Variants in SENP6 observed in about 807,000 individuals in gnomAD.
SENP6 encodes SUMO specific peptidase 6.
SENP6 carries 41 observed loss-of-function variants against 134.5 expected under a neutral mutation model. That is an observed-to-expected ratio of 0.30 (90% CI 0.24 to 0.40). The LOEUF (loss-of-function observed/expected upper bound fraction) is 0.40, where lower values mean the gene tolerates loss of function less well. SENP6 is among the 10% of genes least tolerant of loss of function. The pLI is 1.00. For missense variants in SENP6, 1,248 were observed against 1,312.5 expected (o/e 0.95, Z 0.76); for synonymous variants, 395 against 429.8 (o/e 0.92, Z 1.00).
rs762068654 is a variant in SENP6, at chr6:75,659,445, G to A, written c.696+38G>A. ...ATTATTCTTTGTTGCTAATCAGATT[G>A]TGTTTTGATTAATATTAGTTTCAGT... On this transcript the variant is annotated intron_variant, in intron 8 of 23. Coordinates refer to ENST00000447266, the MANE Select transcript of SENP6 (RefSeq NM_015571.4). 5.9e-6 allele frequency: 9 copies of A among 1,524,124 alleles called. No individual in the cohort carries two copies. The African/African-American group carries it at 9.7e-5, about 16-fold the overall frequency. The allele number at this position is 1,524,124 out of a possible 1,614,324, so 94.4% of individuals were successfully genotyped here.
intron 3 of SENP6, among the ~76,000 whole-genome samples, chr6:75,625,337 A>C (rs1582697114): frequency 6.6e-6 from 1 of 150,942 alleles, no homozygotes; most frequent in African/African-American, 2.4e-5. Context: ...CTGGTCATGA[A>C]CTCCTGGCCT....
At chr6:75,691,049 G>A (rs1774210634) in intron 16 of SENP6, among the ~76,000 whole-genome samples, 1 of 148,188 alleles carries the variant, frequency 6.7e-6, no homozygotes, top group African/African-American at 2.5e-5. Flanking sequence ...CTCCCTGTGT[G>A]CCCAGGCTGG....
At chr6:75,684,995 C>T (rs1332092680) in intron 16 of SENP6, among the ~76,000 whole-genome samples, 1 of 152,134 alleles carries the variant, frequency 6.6e-6, no homozygotes, top group Admixed American at 6.6e-5. Context: ...CCTTGTACCT[C>T]TGGTAGAATT....
chr6:75,640,638 A>G (rs375017719), intron 5 of SENP6, 46 bp from the exon 6 acceptor site: 178 of 1,388,268 alleles, frequency 1.3e-4, no homozygotes, highest in Non-Finnish European at 1.7e-4. Context: ...ATATATCAAC[A>G]ATGAGGTCTT....
At chr6:75,630,494 G>T (rs1769030552) in intron 3 of SENP6, among the ~76,000 whole-genome samples, 1 of 152,130 alleles carries the variant, frequency 6.6e-6, no homozygotes, top group Non-Finnish European at 1.5e-5. Context: ...GTCTCTCTGG[G>T]CCTGATAAAT....
chr6:75,651,845 A>G (rs1770894239), intron 7 of SENP6, among the ~76,000 whole-genome samples: 1 of 152,178 alleles, frequency 6.6e-6, no homozygotes, highest in Admixed American at 6.5e-5. Flanking sequence ...GATGACAGAC[A>G]TGGAACCAGC....
At position 75,660,696 on chromosome 6, in the gene SENP6, G is replaced by C. The variant is rs188114737; in HGVS notation, c.696+1289G>C. Among the ~76,000 whole-genome samples the C allele has an allele frequency of 2.4e-3, 369 of 151,720 alleles. 2 individuals carry two copies. The highest frequency in any genetic ancestry group is 7.9e-3 in the African/African-American group (325 of 41,362). ...CACCCAGGCTGGAGTTGAGTGGAGC[G>C]ATCTCGGCTCACTGTAGCCTCCACC... On this transcript the variant is annotated intron_variant, in intron 8 of 23. Coordinates refer to ENST00000447266, the MANE Select transcript of SENP6 (RefSeq NM_015571.4).
chr6:75,623,055 T>C (rs1379187468), intron 2 of SENP6, among the ~76,000 whole-genome samples: 1 of 152,202 alleles, frequency 6.6e-6, no homozygotes, highest in African/African-American at 2.4e-5. Flanking sequence ...TACGAGAGAC[T>C]TTTTAATCAT....
intron 1 of SENP6, among the ~76,000 whole-genome samples, chr6:75,613,540 T>C (rs1031533696): frequency 2.6e-5 from 4 of 152,132 alleles, no homozygotes; most frequent in Admixed American, 2.6e-4. Context: ...ATAGTAGCAA[T>C]GTATGTAATA....
intron 9 of SENP6, among the ~76,000 whole-genome samples, chr6:75,665,993 C>T (rs994611126): frequency 6.7e-6 from 1 of 150,044 alleles, no homozygotes; most frequent in Admixed American, 6.7e-5. Flanking sequence ...GCACTGTACT[C>T]CAGCCTGGGT....
At chr6:75,660,651 G>A (rs962636849) in intron 8 of SENP6, among the ~76,000 whole-genome samples, 1 of 149,818 alleles carries the variant, frequency 6.7e-6, no homozygotes, top group Non-Finnish European at 1.5e-5. Flanking sequence ...TTTTTTCCCC[G>A]AGATGGAGTC....
intron 10 of SENP6, among the ~76,000 whole-genome samples, chr6:75,668,727 C>A (rs9443184): frequency 6.6e-6 from 1 of 152,130 alleles, no homozygotes; most frequent in African/African-American, 2.4e-5. Flanking sequence ...AGTTTGCTAT[C>A]GCAAGAGATT....
intron 1 of SENP6, among the ~76,000 whole-genome samples, chr6:75,617,060 G>C (rs1409062897): frequency 6.6e-6 from 1 of 151,618 alleles, no homozygotes; most frequent in East Asian, 1.9e-4. Context: ...GTATTTTTTT[G>C]TAGAGACAGG....
intron 2 of SENP6, chr6:75,622,813 A>G: frequency 1.6e-5 from 20 of 1,288,898 alleles, no homozygotes; most frequent in Non-Finnish European, 1.9e-5. Flanking sequence ...GCCTTCACCG[A>G]TGAGATGTTG....
chr6:75,638,706 C>T (rs1279872241), intron 5 of SENP6, among the ~76,000 whole-genome samples: 1 of 144,158 alleles, frequency 6.9e-6, no homozygotes, highest in African/African-American at 2.6e-5. Context: ...ATACCTAACC[C>T]GTTTCTTCTA....
At chr6:75,638,614 ATATATATATTTTTTTTTTTTTTT>A (rs1255035121) in intron 5 of SENP6, among the ~76,000 whole-genome samples, 2 of 35,872 alleles carry the variant, frequency 5.6e-5, no homozygotes, top group East Asian at 1.1e-3. Flanking sequence ...ATATATATAT[ATATATATATTTTTTTTTTTTTTT>A]TTTTTTTTTT....
chr6:75,695,463 G>A (rs1180898702), intron 16 of SENP6, among the ~76,000 whole-genome samples: 10 of 152,114 alleles, frequency 6.6e-5, no homozygotes, highest in Admixed American at 3.9e-4. Flanking sequence ...GTGGCCGGGC[G>A]CCATGGCTCA....
At chr6:75,683,811 A>G (rs1057252755) in intron 16 of SENP6, among the ~76,000 whole-genome samples, 3 of 152,106 alleles carry the variant, frequency 2.0e-5, no homozygotes, top group Non-Finnish European at 2.9e-5. Flanking sequence ...TTTGTAGTAT[A>G]GTTTGAAGTC....
rs1774618063 is a variant in SENP6, at chr6:75,695,746, GAAAT to G, written c.2076-50_2076-47del. The G allele has an allele frequency of 8.5e-6, 12 of 1,407,090 alleles. 1 individual carries two copies. Among genetic ancestry groups the G allele is most frequent in the African/African-American group, 4.4e-5 (3 of 67,866 alleles). 87.2% of individuals were successfully genotyped at this position (1,407,090 alleles called of 1,614,324 possible). ...AGTGAGACTCTGTCTCAAAAAAATA[GAAAT>G]AAATAAAGTGAACTGTTACATTAAT... is the stretch of plus-strand genomic sequence containing the variant. On this transcript the variant is annotated intron_variant, in intron 16 of 23. Coordinates refer to ENST00000447266, the MANE Select transcript of SENP6 (RefSeq NM_015571.4).
Sources: gnomAD v4.1 joint callset for allele counts (sites outside exome capture counted in the v4.1 genomes callset) on GRCh38, gnomAD v4.1.1 for gene constraint, MANE v1.5 for transcripts, NCBI Gene and HGNC (gene_info 2026-07-23, HGNC 2026-07-21) for gene names.